Variants in NRXN2 observed in about 807,000 individuals in gnomAD.
The protein encoded by NRXN2 is neurexin 2.
NRXN2 carries 29 observed loss-of-function variants against 128.8 expected under a neutral mutation model. That is an observed-to-expected ratio of 0.23 (90% confidence interval 0.17 to 0.31). The LOEUF (loss-of-function observed/expected upper bound fraction) is 0.31. Ranked by LOEUF, NRXN2 falls within the 10% of genes least tolerant of loss-of-function variation. The pLI, the probability that NRXN2 is intolerant of heterozygous loss-of-function variation, is 1.00. For synonymous variants in NRXN2, 1,098 were observed against 1,075.2 expected, an observed-to-expected ratio of 1.02 and a Z score of -0.41; for missense variants, 1,881 against 2,452.6, an observed-to-expected ratio of 0.77 and a Z score of 4.92.
At position 64,713,085 on chromosome 11, in the gene NRXN2, C is replaced by T. The variant is rs1270139334; in HGVS notation, c.615G>A (p.Leu205=). The T allele has an allele frequency of 2.3e-6, 3 of 1,305,796 alleles. No homozygotes were observed. The highest frequency in any genetic ancestry group is 1.9e-6 in the Non-Finnish European group (2 of 1,036,216). 80.9% of individuals were successfully genotyped at this position (1,305,796 alleles called of 1,614,324 possible). A position where few individuals can be genotyped will look rare whatever the true frequency, so the allele number is the denominator to read the frequency against. Residue 205 remains leucine (L), a synonymous_variant, in exon 2 of 23, where the codon CTG becomes CTA. Transcript: ENST00000265459. ...QGLRGATADP[L]CAPARNPCAN... is the part of the protein sequence containing the mutation. Reference sequence around the variant, plus strand: ...CGCAGGGGTTGCGCGCGGGCGCGCACAGCGGGTCGGCGGTGGCGCCGCGCA... The same window carrying T: ...CGCAGGGGTTGCGCGCGGGCGCGCATAGCGGGTCGGCGGTGGCGCCGCGCA...
At chr11:64,716,828 T>G (rs2057316993) in intron 1 of NRXN2, among the ~76,000 whole-genome samples, 1 of 152,074 alleles carries the variant, frequency 6.6e-6, no homozygotes, top group South Asian at 2.1e-4. Context: ...GCTTCACGCT[T>G]GCCAGGTAGA....
chr11:64,670,732 C>T (rs1220887453), intron 7 of NRXN2, among the ~76,000 whole-genome samples: 1 of 152,132 alleles, frequency 6.6e-6, no homozygotes, highest in East Asian at 1.9e-4. Context: ...CAGGGCCACA[C>T]TGCCTGCATC....
chr11:64,654,433 TAG>T (rs1356331160), intron 11 of NRXN2, among the ~76,000 whole-genome samples: 1 of 152,182 alleles, frequency 6.6e-6, no homozygotes, highest in Non-Finnish European at 1.5e-5. Context: ...GCCTCACAGA[TAG>T]AGACAGTGCA....
chr11:64,613,011 G>A (rs1165834168), intron 22 of NRXN2, among the ~76,000 whole-genome samples: 1 of 152,252 alleles, frequency 6.6e-6, no homozygotes, highest in Non-Finnish European at 1.5e-5. Flanking sequence ...ACCTGTGCGA[G>A]CAGAGAGCAA....
intron 5 of NRXN2, among the ~76,000 whole-genome samples, chr11:64,687,129 G>A (rs965471626): frequency 1.3e-5 from 2 of 152,206 alleles, no homozygotes; most frequent in African/African-American, 4.8e-5. Flanking sequence ...AACACTGGCC[G>A]TGAGGGTCTT....
intron 9 of NRXN2, among the ~76,000 whole-genome samples, chr11:64,662,068 C>T (rs528519825): frequency 2.8e-5 from 4 of 144,616 alleles, no homozygotes; most frequent in Middle Eastern, 3.6e-3. Flanking sequence ...GTCTGGCCAA[C>T]ATGGTGAAAC....
At chr11:64,634,707 G>A (rs1377406177) in intron 18 of NRXN2, among the ~76,000 whole-genome samples, 1 of 152,120 alleles carries the variant, frequency 6.6e-6, no homozygotes, top group Non-Finnish European at 1.5e-5. Context: ...CAGTAAAGGA[G>A]ACAGGGTAAG....
At chr11:64,615,688 G>A (rs2041357730) in intron 22 of NRXN2, among the ~76,000 whole-genome samples, 1 of 152,226 alleles carries the variant, frequency 6.6e-6, no homozygotes, top group African/African-American at 2.4e-5. Flanking sequence ...CAGGCATACA[G>A]GCATGCCTTG....
chr11:64,634,983 G>T (rs777587192), intron 18 of NRXN2, among the ~76,000 whole-genome samples: 27 of 152,160 alleles, frequency 1.8e-4, no homozygotes, highest in Non-Finnish European at 3.5e-4. Flanking sequence ...AGAGGCCCTT[G>T]ACTACTTTTA....
chr11:64,619,612 T>C lies in NRXN2; in HGVS notation c.4252+682A>G, dbSNP rs2135313629. On this transcript the variant is annotated intron_variant, in intron 22 of 22. Coordinates refer to ENST00000265459, the MANE Select transcript of NRXN2 (RefSeq NM_015080.4). Reference sequence around the variant, plus strand: ...GCCTTCCCTCCCAGCCCTGCTCTCCTCCTACAGCAGCTCCCCCACTAGAAT... The same window carrying C: ...GCCTTCCCTCCCAGCCCTGCTCTCCCCCTACAGCAGCTCCCCCACTAGAAT... Among the ~76,000 whole-genome samples the C allele has an allele frequency of 2.6e-5, 4 of 152,058 alleles. 1 individual carries two copies. Among genetic ancestry groups the C allele is most frequent in the Middle Eastern group, 6.8e-3 (2 of 292 alleles).
At chr11:64,661,525 A>G in intron 9 of NRXN2, 1 of 535,214 alleles carries the variant, frequency 1.9e-6, no homozygotes, top group Non-Finnish European at 2.6e-6. Flanking sequence ...TAGACTGGGA[A>G]CCGGAAGCAG....
chr11:64,650,457 C>A lies in NRXN2; in HGVS notation c.3100G>T (p.Asp1034Tyr), dbSNP rs775962047. Residue 1034 changes from aspartate to tyrosine, a missense_variant, in exon 15 of 23, where the codon GAT becomes TAT. Asp to Tyr is a radical substitution (Grantham distance 160, BLOSUM62 -3). Coordinates refer to ENST00000265459, the MANE Select transcript of NRXN2 (RefSeq NM_015080.4). ...TQHSNGARNL[D>Y]LKGELYIGGL... ...GAGGCCCCAGCCCCACCTTTGAGAT[C>A]GAGGTTTCGGGCGCCATTGGAGTGC... 3 of 1,614,106 alleles carry A rather than the reference C, an allele frequency of 1.9e-6. No homozygotes were observed. The highest frequency in any genetic ancestry group is 1.7e-5 in the Admixed American group (1 of 60,020).
chr11:64,700,432 T>C (rs114501315), intron 2 of NRXN2, among the ~76,000 whole-genome samples: 4,176 of 152,290 alleles, frequency 0.027, 188 homozygotes, highest in African/African-American at 0.095. Flanking sequence ...ACTGCCCTCA[T>C]AGGTTCCAGA....
At chr11:64,720,136 C>G (rs764561882) in intron 1 of NRXN2, among the ~76,000 whole-genome samples, 4 of 152,206 alleles carry the variant, frequency 2.6e-5, no homozygotes, top group Non-Finnish European at 4.4e-5. Flanking sequence ...AGGAGCACAG[C>G]GGAGTCCCAC....
At chr11:64,683,449 A>G (rs766204972) in intron 6 of NRXN2, among the ~76,000 whole-genome samples, 1 of 151,986 alleles carries the variant, frequency 6.6e-6, no homozygotes, top group Non-Finnish European at 1.5e-5. Context: ...GTGAAACCCC[A>G]TCTCTACTAA....
At chr11:64,717,188 A>G (rs2057327802) in intron 1 of NRXN2, among the ~76,000 whole-genome samples, 1 of 152,196 alleles carries the variant, frequency 6.6e-6, no homozygotes, top group Non-Finnish European at 1.5e-5. Flanking sequence ...TATGCAGTGC[A>G]GAGGAAGCCG....
intron 1 of NRXN2, among the ~76,000 whole-genome samples, chr11:64,722,067 T>C (rs2135700523): frequency 6.6e-6 from 1 of 152,170 alleles, no homozygotes; most frequent in African/African-American, 2.4e-5. Context: ...CAAGGGCTCA[T>C]ACCCCAACCC....
At chr11:64,643,321 C>T (rs1181153013) in intron 17 of NRXN2, 3 of 952,722 alleles carry the variant, frequency 3.1e-6, no homozygotes, top group Admixed American at 8.0e-5. Context: ...CTGCCGCTGC[C>T]GCCCGACGGA....
rs758947925 is a variant in NRXN2, at chr11:64,607,148, G to A, written c.*48C>T. ...AGGGAGAGGGTGGCACCCTCCTCCC[G>A]GGCCCTCCCAGGAGGGGCAGCTGGC... On this transcript the variant is annotated 3_prime_UTR_variant, in exon 23 of 23. Transcript: ENST00000265459. 30 of 1,590,422 alleles carry A rather than the reference G, an allele frequency of 1.9e-5. No homozygotes were observed. Among genetic ancestry groups the A allele is most frequent in the East Asian group, 1.1e-4 (5 of 44,478 alleles).
Sources: allele counts gnomAD v4.1 joint callset (sites outside exome capture counted in the v4.1 genomes callset), GRCh38; gene constraint gnomAD v4.1.1; transcripts MANE v1.5; gene names NCBI Gene and HGNC (gene_info 2026-07-23, HGNC 2026-07-21).